The following SHANK2 variants were observed in gnomAD, a reference collection of about 807,000 sequenced individuals.
SHANK2 encodes the protein SH3 and multiple ankyrin repeat domains protein 2.
In SHANK2, 43 loss-of-function variants were observed where a neutral mutation model predicts 133.7. The ratio of observed to expected loss-of-function variants is 0.32; its 90% CI spans 0.25 to 0.41. The LOEUF is 0.41. SHANK2 is among the 10% of genes least tolerant of loss of function. The probability of loss-of-function intolerance (pLI) is 1.00; values close to 1 mark genes in which losing one functional copy is unlikely to be tolerated. For synonymous variants in SHANK2, 1,017 were observed against 952.8 expected (o/e 1.07, Z -1.24); for missense variants, 1,994 against 2,235.8 (o/e 0.89, Z 2.18).
intron 10 of SHANK2, among the ~76,000 whole-genome samples, chr11:70,934,098 G>A (rs576876704): frequency 9.9e-5 from 15 of 151,838 alleles, no homozygotes; most frequent in Non-Finnish European, 1.8e-4. Flanking sequence ...GGTGTGTGGT[G>A]GCACATGCCT....
chr11:70,805,304 C>T (rs1555051589), intron 13 of SHANK2, among the ~76,000 whole-genome samples: 3 of 152,260 alleles, frequency 2.0e-5, no homozygotes. Flanking sequence ...GACCGTGTGT[C>T]CCTTCCTGCT....
chr11:70,504,201 T>G (rs1458314193), intron 17 of SHANK2, among the ~76,000 whole-genome samples: 3 of 152,200 alleles, frequency 2.0e-5, no homozygotes, highest in Admixed American at 6.5e-5. Context: ...CTGCTATAGA[T>G]TCTTCAAAAA....
At chr11:70,670,368 C>T (rs1944773716) in intron 15 of SHANK2, among the ~76,000 whole-genome samples, 1 of 152,246 alleles carries the variant, frequency 6.6e-6, no homozygotes, top group South Asian at 2.1e-4. Flanking sequence ...AAGCAGAGAG[C>T]TTTCAGCAGT....
At chr11:70,599,699 G>A (rs1213389960) in intron 17 of SHANK2, among the ~76,000 whole-genome samples, 2 of 149,736 alleles carry the variant, frequency 1.3e-5, no homozygotes, top group Non-Finnish European at 3.0e-5. Context: ...GGCTAAGGCA[G>A]GAGAATTGTT....
rs76683470 is a variant in SHANK2, at chr11:70,772,582, G to A, written c.1777+25861C>T. On this transcript the variant is annotated intron_variant, in intron 14 of 25. Transcript: ENST00000601538. ...TTCAGAAAGGGTGAGCTGACCTGTC[G>A]CTTCCTACATGCAGCCAGTGATAGA... Among the ~76,000 whole-genome samples, 703 of 152,240 alleles carry A rather than the reference G, an allele frequency of 4.6e-3. 9 individuals carry two copies. Among genetic ancestry groups the A allele is most frequent in the African/African-American group, 0.016 (667 of 41,548 alleles).
chr11:70,758,230 TTTGGGTCCCCTCCCG>T (rs1169984243), intron 14 of SHANK2, among the ~76,000 whole-genome samples: 6 of 152,206 alleles, frequency 3.9e-5, no homozygotes, highest in Non-Finnish European at 8.8e-5. Flanking sequence ...GGCTACCCGC[TTTGGGTCCCCTCCCG>T]TTGTATGGGA....
chr11:70,627,303 CCA>C (rs1555000295), intron 17 of SHANK2, among the ~76,000 whole-genome samples: 1 of 152,152 alleles, frequency 6.6e-6, no homozygotes, highest in East Asian at 1.9e-4. Context: ...TCACCACCCA[CCA>C]CACTGCCCTT....
intron 2 of SHANK2, among the ~76,000 whole-genome samples, chr11:71,173,456 C>T (rs1464310118): frequency 1.3e-5 from 2 of 152,238 alleles, no homozygotes; most frequent in African/African-American, 4.8e-5. Flanking sequence ...CTGGAAATAT[C>T]CTGACTGTCC....
chr11:71,169,082 G>C (rs1479568417), intron 2 of SHANK2, among the ~76,000 whole-genome samples: 2 of 152,110 alleles, frequency 1.3e-5, no homozygotes, highest in Admixed American at 1.3e-4. Context: ...TAACAGTTTT[G>C]GGCTCCACCA....
intron 14 of SHANK2, among the ~76,000 whole-genome samples, chr11:70,731,799 CA>C (rs1166560258): frequency 3.9e-5 from 6 of 152,204 alleles, no homozygotes; most frequent in African/African-American, 1.4e-4. Flanking sequence ...AGATTCACAC[CA>C]GCTACCAGCA....
Position 70,814,885 on chromosome 11 carries a change from G to A in SHANK2, c.1493+5479C>T, listed in dbSNP as rs375415300. ...AGCCCTTGGGACTGGCTGCCACTTT[G>A]TAGAAATACATCCAGAGTTGTTCTG... On this transcript the variant is annotated intron_variant, in intron 12 of 25. Transcript: ENST00000601538. 7.2e-5 allele frequency among the ~76,000 whole-genome samples: 11 copies of A among 152,308 alleles called. No homozygotes were observed. The East Asian group carries it at 1.9e-3, about 27-fold the overall frequency.
intron 14 of SHANK2, among the ~76,000 whole-genome samples, chr11:70,708,392 C>T (rs553289483): frequency 1.3e-5 from 2 of 152,310 alleles, no homozygotes; most frequent in East Asian, 1.9e-4. Flanking sequence ...GCATCCTTGC[C>T]TCCAATCTCT....
chr11:70,856,906 A>G lies in SHANK2; in HGVS notation c.1175-36224T>C, dbSNP rs555112500. Among the ~76,000 whole-genome samples, 5 of 152,238 alleles carry G rather than the reference A, an allele frequency of 3.3e-5. No homozygotes were observed. In the South Asian group the frequency reaches 8.3e-4, roughly 25 times the overall value. ...CCAAGCATCATTTGAAACTCTGGAT[A>G]CACACCAGATGGACACCCCTGGCTG... is the stretch of plus-strand genomic sequence containing the variant. On this transcript the variant is annotated intron_variant, in intron 11 of 25. Transcript: ENST00000601538.
At chr11:70,834,874 C>T (rs1340964854) in intron 11 of SHANK2, among the ~76,000 whole-genome samples, 1 of 152,104 alleles carries the variant, frequency 6.6e-6, no homozygotes, top group African/African-American at 2.4e-5. Flanking sequence ...GAACCTCCCA[C>T]AGGGTCTCTC....
At chr11:70,658,927 G>C (rs187839783) in intron 17 of SHANK2, among the ~76,000 whole-genome samples, 35 of 152,330 alleles carry the variant, frequency 2.3e-4, no homozygotes, top group African/African-American at 7.5e-4. Flanking sequence ...ACATGGAAGA[G>C]CGCGTGCATC....
chr11:71,108,511 C>A (rs541066672), intron 6 of SHANK2, among the ~76,000 whole-genome samples: 1 of 152,208 alleles, frequency 6.6e-6, no homozygotes, highest in Non-Finnish European at 1.5e-5. Flanking sequence ...TCCCCTCTCC[C>A]CTTCTCCAGA....
intron 17 of SHANK2, among the ~76,000 whole-genome samples, chr11:70,631,408 A>ACACACACACCCC (rs1555002113): frequency 1.3e-5 from 2 of 148,802 alleles, no homozygotes; most frequent in South Asian, 2.1e-4. Flanking sequence ...ACACACACAC[A>ACACACACACCCC]CCCACACAAC....
intron 14 of SHANK2, among the ~76,000 whole-genome samples, chr11:70,718,051 C>T (rs1427761571): frequency 1.3e-5 from 2 of 152,030 alleles, no homozygotes; most frequent in South Asian, 2.1e-4. Context: ...TTTTTTTTCC[C>T]CTAGTGCCAG....
chr11:70,617,074 T>C (rs1393496022), intron 17 of SHANK2, among the ~76,000 whole-genome samples: 1 of 151,978 alleles, frequency 6.6e-6, no homozygotes, highest in African/African-American at 2.4e-5. Context: ...TCTGAGTGTG[T>C]GTATATGTGT....
Sources: gnomAD v4.1 joint callset for allele counts (sites outside exome capture counted in the v4.1 genomes callset) on GRCh38, gnomAD v4.1.1 for gene constraint, MANE v1.5 for transcripts, NCBI Gene and HGNC (gene_info 2026-07-23, HGNC 2026-07-21) for gene names.